MYLK4: variants seen among roughly 807,000 people sequenced by gnomAD.
MYLK4 encodes caMLCK like.
In MYLK4, 46 loss-of-function variants were observed where a neutral mutation model predicts 48.1. That is an observed-to-expected ratio of 0.96 (90% CI 0.75 to 1.22). The LOEUF is 1.22. Among genes scored for constraint, MYLK4 ranks in the 50% most tolerant of loss-of-function variants. The probability of loss-of-function intolerance (pLI) is 0.00; values close to 1 mark genes in which losing one functional copy is unlikely to be tolerated. For missense variants in MYLK4, 451 were observed against 486.1 expected, an observed-to-expected ratio of 0.93 and a Z score of 0.68; for synonymous variants, 170 against 180.8, an observed-to-expected ratio of 0.94 and a Z score of 0.48.
chr6:2,689,539 A>T (rs1313201072), intron 3 of MYLK4, among the ~76,000 whole-genome samples: 1 of 152,206 alleles, frequency 6.6e-6, no homozygotes, highest in Non-Finnish European at 1.5e-5. Flanking sequence ...GTGTGTATTC[A>T]ACAGAGATCA....
At chr6:2,757,518 T>C in the MYLK4 span, among the ~76,000 whole-genome samples, 1 of 151,948 alleles carries the variant, frequency 6.6e-6, no homozygotes, top group East Asian at 1.9e-4. Context: ...AAATATTATC[T>C]CTGAAGATAT....
upstream of MYLK4, among the ~76,000 whole-genome samples, chr6:2,753,121 A>G (rs1487750367): frequency 6.6e-6 from 1 of 152,230 alleles, no homozygotes; most frequent in Non-Finnish European, 1.5e-5. Context: ...TTTTGGAGTT[A>G]TACTTCTCTA....
At chr6:2,761,112 T>C in the MYLK4 span, among the ~76,000 whole-genome samples, 3 of 152,196 alleles carry the variant, frequency 2.0e-5, no homozygotes, top group South Asian at 6.2e-4. Flanking sequence ...TACCTGCTCA[T>C]AGGCACTGCA....
chr6:2,694,886 C>G (rs1421446588), intron 2 of MYLK4, among the ~76,000 whole-genome samples: 1 of 152,030 alleles, frequency 6.6e-6, no homozygotes, highest in Non-Finnish European at 1.5e-5. Context: ...CTAACTACCA[C>G]CCTATACTGT....
chr6:2,676,454 A>G (rs1231293536), intron 10 of MYLK4, among the ~76,000 whole-genome samples: 2 of 152,204 alleles, frequency 1.3e-5, no homozygotes, highest in Non-Finnish European at 2.9e-5. Context: ...CCAAGGTGAA[A>G]AATGATGATT....
At position 2,667,252 on chromosome 6, in the gene MYLK4, A is replaced by G. The variant is rs377625257; in HGVS notation, c.*673T>C. ...AGATGTGAAAAACAGAATCAGCTAC[A>G]TGGAAGAAAACGCACGCTGGGGACA... is the stretch of plus-strand genomic sequence containing the variant. On this transcript the variant is annotated 3_prime_UTR_variant, in exon 13 of 13. Transcript: ENST00000274643. The G allele has an allele frequency of 5.3e-5, 8 of 152,342 alleles. 1 individual carries two copies. The highest frequency in any genetic ancestry group is 1.9e-4 in the East Asian group (1 of 5,178). The allele number at this position is 152,342 out of a possible 1,614,324, so 9.4% of individuals were successfully genotyped here.
intron 3 of MYLK4, among the ~76,000 whole-genome samples, chr6:2,692,205 T>G (rs540177966): frequency 2.2e-4 from 34 of 152,348 alleles, no homozygotes; most frequent in Admixed American, 1.0e-3. Context: ...CACTTTCCTG[T>G]GTATTCAGGC....
At chr6:2,766,024 CG>C in the MYLK4 span, 1 of 1,323,668 alleles carries the variant, frequency 7.6e-7, no homozygotes, top group Non-Finnish European at 9.6e-7. Context: ...CCAGCAGCCC[CG>C]GGAGGAAGGG....
At chr6:2,681,139 T>C (rs1761282705) in intron 7 of MYLK4, among the ~76,000 whole-genome samples, 1 of 151,998 alleles carries the variant, frequency 6.6e-6, no homozygotes, top group African/African-American at 2.4e-5. Context: ...GAACCCTCAG[T>C]CCCAATTCTT....
At position 2,687,703 on chromosome 6, in the gene MYLK4, G is replaced by A. The variant is rs866915815; in HGVS notation, c.341+1148C>T. Among the ~76,000 whole-genome samples, 8 of 152,296 alleles carry A rather than the reference G, an allele frequency of 5.3e-5. 1 individual carries two copies. The highest frequency in any genetic ancestry group is 6.8e-3 in the Middle Eastern group (2 of 294). The stretch of plus-strand genomic sequence containing the variant: ...GCCAGATCAGGAAGGGAAAGTCCAG[G>A]TGGTTCCATTCGGCACAGGGCAAAG... On this transcript the variant is annotated intron_variant, in intron 4 of 12. Coordinates refer to ENST00000274643, the MANE Select transcript of MYLK4 (RefSeq NM_001012418.5).
chr6:2,685,729 A>G lies in MYLK4; in HGVS notation c.342-153T>C, dbSNP rs551506482. ...AACTTCTAGAGCAGTATTTGTCAAC[A>G]TGTGGTGTGTGGATCACTTGCATCA... is the stretch of plus-strand genomic sequence containing the variant. On this transcript the variant is annotated intron_variant, in intron 4 of 12. Coordinates refer to ENST00000274643, the MANE Select transcript of MYLK4 (RefSeq NM_001012418.5). This position sits in a 1 kb window ranked among gnomAD's most constrained non-coding sequence, Gnocchi z 4.5. Among the ~76,000 whole-genome samples the G allele has an allele frequency of 6.6e-6, 1 of 152,174 alleles. No homozygotes were observed. Among genetic ancestry groups the G allele is most frequent in the Admixed American group, 6.5e-5 (1 of 15,278 alleles).
At chr6:2,747,608 G>C (rs905859026) in intron 2 of MYLK4, among the ~76,000 whole-genome samples, 2 of 152,104 alleles carry the variant, frequency 1.3e-5, no homozygotes, top group Non-Finnish European at 2.9e-5. Flanking sequence ...TCTTGCCCCA[G>C]CCTCCCAAAG....
At chr6:2,743,125 G>T (rs1456634201) in intron 2 of MYLK4, among the ~76,000 whole-genome samples, 4 of 152,030 alleles carry the variant, frequency 2.6e-5, no homozygotes, top group Non-Finnish European at 5.9e-5. Context: ...CAACTAAGGG[G>T]AAAAAACCCT....
chr6:2,734,060 C>T (rs1763569662), intron 2 of MYLK4, among the ~76,000 whole-genome samples: 1 of 152,102 alleles, frequency 6.6e-6, no homozygotes, highest in African/African-American at 2.4e-5. Context: ...TTCCATTCAA[C>T]CCTGGGAACG....
intron 2 of MYLK4, among the ~76,000 whole-genome samples, chr6:2,741,347 C>T (rs868064633): frequency 2.6e-5 from 4 of 152,078 alleles, no homozygotes; most frequent in African/African-American, 9.7e-5. Context: ...TTTTTGACGA[C>T]GTTGTTCTAA....
intron 2 of MYLK4, among the ~76,000 whole-genome samples, chr6:2,695,090 C>CA (rs1561846628): frequency 6.6e-6 from 1 of 151,608 alleles, no homozygotes; most frequent in Admixed American, 6.6e-5. Flanking sequence ...GGAAGAGAAG[C>CA]AAAAAAAGGA....
the MYLK4 span, chr6:2,768,613 C>T: frequency 7.2e-6 from 9 of 1,258,340 alleles, no homozygotes; most frequent in Admixed American, 2.7e-5. Flanking sequence ...AGTGATGCTG[C>T]GTGTGGTGGT....
chr6:2,725,603 G>GAAAGAGAAAGAGAAAGAAAGAAAC (rs1554131527), intron 2 of MYLK4, among the ~76,000 whole-genome samples: 2 of 145,394 alleles, frequency 1.4e-5, no homozygotes, highest in Admixed American at 6.8e-5. Context: ...AAGAAAGAAA[G>GAAAGAGAAAGAGAAAGAAAGAAAC]AAACAAACAA....
At chr6:2,697,622 A>G (rs906756717) in intron 2 of MYLK4, among the ~76,000 whole-genome samples, 5 of 152,190 alleles carry the variant, frequency 3.3e-5, no homozygotes, top group Admixed American at 6.5e-5. Context: ...CATTCAACTG[A>G]ACAACATCGT....
Sources: gnomAD v4.1 joint callset for allele counts (sites outside exome capture counted in the v4.1 genomes callset) on GRCh38, gnomAD v4.1.1 for gene constraint, Gnocchi (gnomAD v3.1) non-coding constraint, MANE v1.5 for transcripts, NCBI Gene and HGNC (gene_info 2026-07-23, HGNC 2026-07-21) for gene names.